Variants in PREX2 observed in about 807,000 individuals in gnomAD.
The protein encoded by PREX2 is phosphatidylinositol-3,4,5-trisphosphate dependent Rac exchange factor 2.
A neutral mutation model predicts 203.2 loss-of-function variants in PREX2; 107 were observed. That is an observed-to-expected ratio of 0.53 (90% confidence interval 0.45 to 0.62). PREX2 has a LOEUF of 0.62. Ranked by LOEUF, PREX2 falls within the 20% of genes least tolerant of loss-of-function variation. The probability of loss-of-function intolerance (pLI) is 0.00; values close to 1 mark genes in which losing one functional copy is unlikely to be tolerated. For missense variants in PREX2, 1,777 were observed against 1,955.9 expected (o/e 0.91, Z 1.72); for synonymous variants, 672 against 663.6 (o/e 1.01, Z -0.19).
intron 16 of PREX2, 78 bp from the exon 17 acceptor site, chr8:68,080,668 G>A: frequency 7.0e-7 from 1 of 1,426,578 alleles, no homozygotes; most frequent in Non-Finnish European, 9.7e-7. Context: ...TGACGGTGAT[G>A]CACATTACTT....
chr8:67,969,926 C>T (rs1805877903), intron 1 of PREX2, among the ~76,000 whole-genome samples: 1 of 152,110 alleles, frequency 6.6e-6, no homozygotes, highest in Non-Finnish European at 1.5e-5. Context: ...AATCTTATGC[C>T]CATCATCTGA....
intron 18 of PREX2, among the ~76,000 whole-genome samples, chr8:68,087,246 G>C (rs1366581385): frequency 3.3e-5 from 5 of 152,184 alleles, no homozygotes; most frequent in African/African-American, 1.2e-4. Context: ...GTTTAAGCAG[G>C]TATGGTGGCT....
Position 68,030,487 on chromosome 8 carries a change from G to C in PREX2, c.544-10G>C. 6.2e-7 allele frequency: 1 copy of C among 1,611,190 alleles called. No individual in the cohort carries two copies. The highest frequency in any genetic ancestry group is 8.5e-7 in the Non-Finnish European group (1 of 1,178,404). On this transcript the variant is annotated splice_polypyrimidine_tract_variant and intron_variant, in intron 5 of 39. Coordinates refer to ENST00000288368, the MANE Select transcript of PREX2 (RefSeq NM_024870.4). ...ATCAAAGGGCGATTTGTTTTTTTGT[G>C]TATAAACAGGAGTTGCTGAAGCGGA...
At chr8:68,111,710 C>T (rs1810538483) in intron 25 of PREX2, among the ~76,000 whole-genome samples, 1 of 152,162 alleles carries the variant, frequency 6.6e-6, no homozygotes, top group South Asian at 2.1e-4. Flanking sequence ...ATAGGTTCCA[C>T]ACAACTTAAT....
At chr8:68,183,240 A>T (rs1271659979) in intron 35 of PREX2, among the ~76,000 whole-genome samples, 2 of 152,164 alleles carry the variant, frequency 1.3e-5, no homozygotes, top group Non-Finnish European at 2.9e-5. Context: ...GACATGGTGG[A>T]AAAAGATCCA....
At chr8:68,040,402 A>G (rs981224232) in intron 7 of PREX2, among the ~76,000 whole-genome samples, 8 of 151,910 alleles carry the variant, frequency 5.3e-5, no homozygotes, top group Non-Finnish European at 1.0e-4. Context: ...TGCCTCTCAC[A>G]TCATCACATC....
intron 32 of PREX2, among the ~76,000 whole-genome samples, chr8:68,136,096 G>A (rs1473420251): frequency 6.6e-6 from 1 of 152,124 alleles, no homozygotes; most frequent in Non-Finnish European, 1.5e-5. Flanking sequence ...AATGAGGAGT[G>A]AATACTATTG....
At chr8:68,098,811 G>C (rs1008886846) in intron 22 of PREX2, among the ~76,000 whole-genome samples, 3 of 151,590 alleles carry the variant, frequency 2.0e-5, no homozygotes, top group Non-Finnish European at 2.9e-5. Flanking sequence ...AAGTGGAGGT[G>C]GTGAGGGAGC....
At position 68,087,805 on chromosome 8, in the gene PREX2, A is replaced by G; in HGVS notation, c.2109A>G (p.Gly703=). Residue 703 remains glycine, a synonymous_variant, in exon 19 of 40, where the codon GGA becomes GGG. Transcript: ENST00000288368. ...GCCCTTCTGTTGTGCATGCTGTAGG[A>G]AGAGGTAGGAAATTCGTCTTGCAGG... ...GFGPSVVHAV[G]RGTVAAAAGL... 1 of 1,610,808 alleles carries G rather than the reference A, an allele frequency of 6.2e-7. No individual in the cohort carries two copies. Among genetic ancestry groups the G allele is most frequent in the Non-Finnish European group, 8.5e-7 (1 of 1,177,042 alleles).
chr8:68,073,726 C>G (rs1362485309), intron 14 of PREX2, among the ~76,000 whole-genome samples: 1 of 152,098 alleles, frequency 6.6e-6, no homozygotes, highest in Non-Finnish European at 1.5e-5. Flanking sequence ...GAGCTGATTT[C>G]TATGTTCATT....
chr8:68,103,769 GCC>G, intron 23 of PREX2: 1 of 517,222 alleles, frequency 1.9e-6, no homozygotes, highest in South Asian at 1.4e-5. Flanking sequence ...CCCCACATAT[GCC>G]TGGTTTTTGT....
intron 23 of PREX2, chr8:68,105,166 TCACAG>T: frequency 2.2e-6 from 3 of 1,367,834 alleles, no homozygotes; most frequent in Non-Finnish European, 2.9e-6. Flanking sequence ...TTTTACAATT[TCACAG>T]CACGGCATGC....
chr8:68,046,108 T>A lies in PREX2; in HGVS notation c.943+1518T>A, dbSNP rs75242539. ...AATGGGACCATCTCTCCACTGTTGC[T>A]TAGGCGCTTCCTTTATTTTCTTCCA... On this transcript the variant is annotated intron_variant, in intron 8 of 39. Transcript: ENST00000288368. 1.4e-3 allele frequency among the ~76,000 whole-genome samples: 213 copies of A among 152,180 alleles called. 3 individuals are homozygous for A. Among genetic ancestry groups the A allele is most frequent in the African/African-American group, 5.1e-3 (210 of 41,530 alleles).
At chr8:68,161,368 C>T (rs1429733622) in intron 35 of PREX2, among the ~76,000 whole-genome samples, 3 of 152,126 alleles carry the variant, frequency 2.0e-5, no homozygotes, top group Non-Finnish European at 4.4e-5. Context: ...GTTGGGATTA[C>T]AAGCGTGAGC....
intron 39 of PREX2, 26 bp downstream of exon 39, chr8:68,224,652 T>G: frequency 1.3e-6 from 2 of 1,585,062 alleles, no homozygotes; most frequent in Non-Finnish European, 1.7e-6. Flanking sequence ...GCTCTGCCCT[T>G]GCCCGAAAGA....
intron 35 of PREX2, among the ~76,000 whole-genome samples, chr8:68,170,234 G>C (rs1040219430): frequency 6.6e-6 from 1 of 152,208 alleles, no homozygotes; most frequent in Admixed American, 6.5e-5. Flanking sequence ...CAGTCATGTA[G>C]GGCTGTATGT....
At chr8:68,067,387 T>G (rs146868359) in intron 11 of PREX2, among the ~76,000 whole-genome samples, 1 of 152,202 alleles carries the variant, frequency 6.6e-6, no homozygotes, top group African/African-American at 2.4e-5. Flanking sequence ...GTGTTTTCTT[T>G]AATTTCTTTC....
At chr8:68,131,464 G>A (rs571474550) in intron 31 of PREX2, among the ~76,000 whole-genome samples, 1 of 152,256 alleles carries the variant, frequency 6.6e-6, no homozygotes, top group South Asian at 2.1e-4. Flanking sequence ...TCTAGTAGTT[G>A]TTGCAGCTGT....
In PREX2 at chr8:68,233,775, A is replaced by G. The variant is rs1162363474; in HGVS notation, c.*2397A>G. The stretch of plus-strand genomic sequence containing the variant: ...AACCCAGTGACTTGCACAAAGTCAC[A>G]TGATTGACAAGGGGTAGAACCAAAA... On this transcript the variant is annotated 3_prime_UTR_variant, in exon 40 of 40. Coordinates refer to ENST00000288368, the MANE Select transcript of PREX2 (RefSeq NM_024870.4). 6.6e-6 allele frequency: 1 copy of G among 152,218 alleles called. No homozygotes were observed. Among genetic ancestry groups the G allele is most frequent in the African/African-American group, 2.4e-5 (1 of 41,458 alleles). 9.4% of individuals were successfully genotyped at this position (152,218 alleles called of 1,614,324 possible).
Sources: gnomAD v4.1 joint callset for allele counts (sites outside exome capture counted in the v4.1 genomes callset) on GRCh38, gnomAD v4.1.1 for gene constraint, MANE v1.5 for transcripts, NCBI Gene and HGNC (gene_info 2026-07-23, HGNC 2026-07-21) for gene names.